Variants in PCDHGA12 observed in about 807,000 individuals in gnomAD.
PCDHGA12 encodes the protein protocadherin gamma subfamily A, 12.
Under a neutral mutation model 61.1 loss-of-function variants are expected in PCDHGA12, and 43 were observed. The ratio of observed to expected loss-of-function variants is 0.70; its 90% CI spans 0.55 to 0.91. The LOEUF is 0.91. Among genes scored for constraint, PCDHGA12 ranks in the 40% least tolerant of loss-of-function variants. PCDHGA12 has a pLI of 0.00. For synonymous variants in PCDHGA12, 520 were observed against 542.9 expected (o/e 0.96, Z 0.59); for missense variants, 1,236 against 1,227.7 (o/e 1.01, Z -0.10).
intron 1 of PCDHGA12, among the ~76,000 whole-genome samples, chr5:141,436,522 C>T (rs933890051): frequency 3.9e-5 from 6 of 152,088 alleles, no homozygotes; most frequent in African/African-American, 1.4e-4. Context: ...ACTGTGTCAC[C>T]TTTAGCAAGT....
chr5:141,454,798 T>A (rs866302149), intron 1 of PCDHGA12, among the ~76,000 whole-genome samples: 2 of 58,950 alleles, frequency 3.4e-5, no homozygotes, highest in Non-Finnish European at 6.4e-5. Context: ...TGGTTCTAAT[T>A]TTTTTTTTTT....
At chr5:141,492,495 G>A (rs750427038) in intron 1 of PCDHGA12, among the ~76,000 whole-genome samples, 65 of 152,186 alleles carry the variant, frequency 4.3e-4, no homozygotes, top group Non-Finnish European at 6.0e-4. Context: ...ACCAGGCGAG[G>A]ACTCCGGAGC....
In PCDHGA12 at chr5:141,430,567, A is replaced by G; in HGVS notation, c.-193A>G. On this transcript the variant is annotated 5_prime_UTR_variant, in exon 1 of 4. Coordinates refer to ENST00000252085, the MANE Select transcript of PCDHGA12 (RefSeq NM_003735.3). ...CGCTGTTCACCAATCGGGGAGAGAA[A>G]AGCGGAGATCCTGCTCGCCTTGCAC... 1 of 434,308 alleles carries G rather than the reference A, an allele frequency of 2.3e-6. No homozygotes were observed. Among genetic ancestry groups the G allele is most frequent in the Non-Finnish European group, 3.9e-6 (1 of 253,564 alleles). 26.9% of individuals were successfully genotyped at this position (434,308 alleles called of 1,614,324 possible). A position where few individuals can be genotyped will look rare whatever the true frequency, so the allele number is the denominator to read the frequency against.
intron 1 of PCDHGA12, among the ~76,000 whole-genome samples, chr5:141,479,914 G>T (rs2099509746): frequency 6.6e-6 from 1 of 152,148 alleles, no homozygotes; most frequent in South Asian, 2.1e-4. Context: ...CTGTTATTTT[G>T]TTACTCAGTG....
At chr5:141,479,242 A>G (rs2099491093) in intron 1 of PCDHGA12, 1 of 152,320 alleles carries the variant, frequency 6.6e-6, no homozygotes, top group African/African-American at 2.4e-5. Context: ...AAACCCAAAG[A>G]TAACCATTTT....
intron 1 of PCDHGA12, among the ~76,000 whole-genome samples, chr5:141,472,980 C>CAAAAAAAAAAAAAAAA (rs60579131): frequency 2.8e-4 from 24 of 86,024 alleles, no homozygotes; most frequent in East Asian, 1.2e-3. Context: ...GAGTGAAACT[C>CAAAAAAAAAAAAAAAA]AAAAAAAAAA....
rs2099416627 is a variant in PCDHGA12 at position 141,477,726 on chromosome 5, C to T, written c.2425-17081C>T. 6.2e-7 allele frequency: 1 copy of T among 1,613,822 alleles called. No homozygotes were observed. The highest frequency in any genetic ancestry group is 8.5e-7 in the Non-Finnish European group (1 of 1,180,020). ...GATCGGCGGGAATTTGAATTAACAG[C>T]TCATATCAGCGATGGGGGCACCCCG... On this transcript the variant is annotated intron_variant, in intron 1 of 3. Coordinates refer to ENST00000252085, the MANE Select transcript of PCDHGA12 (RefSeq NM_003735.3). This position sits in a 1 kb window ranked among gnomAD's most constrained non-coding sequence, Gnocchi z 4.9.
intron 1 of PCDHGA12, among the ~76,000 whole-genome samples, chr5:141,449,630 T>C (rs1006977026): frequency 6.7e-6 from 1 of 150,024 alleles, no homozygotes; most frequent in South Asian, 2.1e-4. Flanking sequence ...TTTAAAAAGA[T>C]GTATCTATAT....
chr5:141,477,295 G>A lies in PCDHGA12; in HGVS notation c.2425-17512G>A, dbSNP rs1207558247. On this transcript the variant is annotated intron_variant, in intron 1 of 3. Transcript: ENST00000252085. This position sits in a 1 kb window ranked among gnomAD's most constrained non-coding sequence, Gnocchi z 4.9. ...GGCTGGTGACCTGCGAAGTTCCACC[G>A]GGTCTCCCTTTCAGCCTTACTTCTT... is the stretch of plus-strand genomic sequence containing the variant. The A allele has an allele frequency of 8.1e-6, 13 of 1,613,990 alleles. No homozygotes were observed. Among genetic ancestry groups the A allele is most frequent in the Admixed American group, 3.3e-5 (2 of 59,990 alleles).
intron 1 of PCDHGA12, among the ~76,000 whole-genome samples, chr5:141,469,739 A>G (rs1352751978): frequency 1.3e-5 from 2 of 152,262 alleles, no homozygotes; most frequent in African/African-American, 4.8e-5. Flanking sequence ...TACACACCTC[A>G]AAAATTACAA....
chr5:141,431,511 T>G lies in PCDHGA12; in HGVS notation c.752T>G (p.Val251Gly), dbSNP rs1234369765. 6.2e-7 allele frequency: 1 copy of G among 1,614,018 alleles called. No individual in the cohort carries two copies. The change falls in exon 1 of 4, where the codon GTT becomes GGT. Residue 251 changes from valine to glycine, a missense_variant. Transcript: ENST00000252085. The surrounding 1 kb of genome is among the most constrained non-coding windows in gnomAD (Gnocchi z 4.8). ...GCTCAGCCCGAGTACCGCGCGAGCGTTCCGGAGAATCTGGCCTTGGGCACG... is the reference window on the plus strand; with the variant it reads ...GCTCAGCCCGAGTACCGCGCGAGCGGTCCGGAGAATCTGGCCTTGGGCACG... ...AFAQPEYRAS[V>G]PENLALGTQL...
intron 2 of PCDHGA12, among the ~76,000 whole-genome samples, chr5:141,501,876 C>T (rs1463329895): frequency 6.6e-6 from 1 of 152,118 alleles, no homozygotes; most frequent in East Asian, 1.9e-4. Context: ...CGCCTCCTTA[C>T]ACTCCTGATC....
chr5:141,440,572 GT>G (rs1233263525), intron 1 of PCDHGA12: 1 of 152,200 alleles, frequency 6.6e-6, no homozygotes, highest in Non-Finnish European at 1.5e-5. Context: ...GTATCTCTGA[GT>G]TTACCCAGCT....
intron 1 of PCDHGA12, among the ~76,000 whole-genome samples, chr5:141,450,467 T>G (rs997813636): frequency 1.3e-5 from 2 of 151,944 alleles, no homozygotes; most frequent in African/African-American, 2.4e-5. Flanking sequence ...ATTTTATATA[T>G]AGAGTTTGTT....
chr5:141,511,453 T>G lies in PCDHGA12; in HGVS notation c.*280T>G. 1.7e-6 allele frequency: 1 copy of G among 595,822 alleles called. No individual in the cohort carries two copies. Among genetic ancestry groups the G allele is most frequent in the Non-Finnish European group, 2.8e-6 (1 of 360,062 alleles). 36.9% of individuals were successfully genotyped at this position (595,822 alleles called of 1,614,324 possible). ...GGTTACTGTAGACACCAAGAACCATTTGCCACACCCCGTTTAGTTACAGCT... is the reference window on the plus strand; with the variant it reads ...GGTTACTGTAGACACCAAGAACCATGTGCCACACCCCGTTTAGTTACAGCT... On this transcript the variant is annotated 3_prime_UTR_variant, in exon 4 of 4. Transcript: ENST00000252085.
chr5:141,449,263 AC>A (rs1308401244), intron 1 of PCDHGA12, among the ~76,000 whole-genome samples: 3 of 152,152 alleles, frequency 2.0e-5, no homozygotes, highest in African/African-American at 7.2e-5. Flanking sequence ...TGTACAAAGA[AC>A]TGTATCTCCT....
intron 3 of PCDHGA12, among the ~76,000 whole-genome samples, chr5:141,506,700 G>GT (rs1446452157): frequency 2.0e-5 from 3 of 152,138 alleles, no homozygotes; most frequent in Admixed American, 1.3e-4. Context: ...ACCCAAACCC[G>GT]TTTTTTACTG....
At chr5:141,470,851 A>G (rs1410012138) in intron 1 of PCDHGA12, among the ~76,000 whole-genome samples, 2 of 151,876 alleles carry the variant, frequency 1.3e-5, no homozygotes, top group Non-Finnish European at 2.9e-5. Context: ...CCATGCTCAG[A>G]TAAGTTTTTT....
chr5:141,474,557 G>A (rs1261720500), intron 1 of PCDHGA12, among the ~76,000 whole-genome samples: 1 of 152,184 alleles, frequency 6.6e-6, no homozygotes, highest in African/African-American at 2.4e-5. Context: ...AAAACTGGGG[G>A]TTTTCAGAGA....
Sources: gnomAD v4.1 joint callset for allele counts (sites outside exome capture counted in the v4.1 genomes callset) on GRCh38, gnomAD v4.1.1 for gene constraint, Gnocchi (gnomAD v3.1) non-coding constraint, MANE v1.5 for transcripts, NCBI Gene and HGNC (gene_info 2026-07-23, HGNC 2026-07-21) for gene names.